The following MARCHF1 variants were observed in gnomAD, a reference collection of about 807,000 sequenced individuals.
MARCHF1 encodes the protein membrane associated ring-CH-type finger 1, also known as E3 ubiquitin-protein ligase MARCHF1.
MARCHF1 carries 40 observed loss-of-function variants against 54.2 expected under a neutral mutation model. The ratio of observed to expected loss-of-function variants is 0.74; its 90% CI spans 0.57 to 0.96. MARCHF1 has a LOEUF of 0.96. Among genes scored for constraint, MARCHF1 ranks in the 40% least tolerant of loss-of-function variants. The pLI, the probability that MARCHF1 is intolerant of heterozygous loss-of-function variation, is 0.00. For missense variants in MARCHF1, 586 were observed against 656.5 expected, an observed-to-expected ratio of 0.89 and a Z score of 1.17; for synonymous variants, 236 against 236.3, an observed-to-expected ratio of 1.00 and a Z score of 0.01.
Position 163,612,457 on chromosome 4 carries a change from A to G in MARCHF1, c.824T>C (p.Leu275Pro), listed in dbSNP as rs1377080343. ...KGRYHHRDPQ[L>P]LQSLRKNEIM... is the part of the protein sequence containing the mutation. The stretch of plus-strand genomic sequence containing the variant: ...TTCATTTTTCCTAAGACTTTGCAAG[A>G]GCTGAGGATCTCTGTGGTGATATCT... The change falls in exon 7 of 10, where the codon CTC becomes CCC. Residue 275 changes from leucine (L) to proline (P), a missense_variant. Physicochemically the swap from Leu to Pro is moderately conservative, Grantham distance 98. Transcript: ENST00000514618. 1.3e-6 allele frequency: 2 copies of G among 1,535,220 alleles called. No homozygotes were observed. Among genetic ancestry groups the G allele is most frequent in the Admixed American group, 2.0e-5 (1 of 50,942 alleles).
chr4:164,048,616 T>C (rs181320677), intron 2 of MARCHF1, among the ~76,000 whole-genome samples: 4 of 152,182 alleles, frequency 2.6e-5, no homozygotes, highest in African/African-American at 7.2e-5. Flanking sequence ...AAGAATGATG[T>C]CTTTGTTTCC....
At chr4:163,967,725 A>G (rs1752472123) in intron 3 of MARCHF1, among the ~76,000 whole-genome samples, 1 of 152,128 alleles carries the variant, frequency 6.6e-6, no homozygotes, top group African/African-American at 2.4e-5. Context: ...GAGAGGGGGA[A>G]TTTGTTATAA....
chr4:164,090,041 A>T (rs1014855633), intron 2 of MARCHF1, among the ~76,000 whole-genome samples: 52 of 151,902 alleles, frequency 3.4e-4, no homozygotes, highest in African/African-American at 1.2e-3. Flanking sequence ...TATTGATAGG[A>T]CATATTCTAA....
At chr4:164,318,933 A>G (rs541837270) in intron 1 of MARCHF1, among the ~76,000 whole-genome samples, 2 of 152,200 alleles carry the variant, frequency 1.3e-5, no homozygotes, top group Non-Finnish European at 2.9e-5. Flanking sequence ...GAAATTTTCA[A>G]TTCATTCTGT....
chr4:163,734,710 G>C (rs112222123), intron 4 of MARCHF1, among the ~76,000 whole-genome samples: 153 of 152,172 alleles, frequency 1.0e-3, no homozygotes, highest in African/African-American at 3.3e-3. Context: ...ATTGTATAGG[G>C]CATGGAGGAA....
intron 5 of MARCHF1, among the ~76,000 whole-genome samples, chr4:163,698,926 G>C (rs146610162): frequency 1.4e-3 from 220 of 152,264 alleles, no homozygotes; most frequent in Non-Finnish European, 2.6e-3. Flanking sequence ...ATACTTGAAA[G>C]GCATTGTTTT....
chr4:163,774,812 T>A (rs1298776673), intron 4 of MARCHF1, among the ~76,000 whole-genome samples: 1 of 152,122 alleles, frequency 6.6e-6, no homozygotes, highest in African/African-American at 2.4e-5. Context: ...GGCATTTTGA[T>A]AACTCTTTAT....
chr4:163,803,991 G>T (rs780981854), intron 4 of MARCHF1, among the ~76,000 whole-genome samples: 7 of 151,922 alleles, frequency 4.6e-5, no homozygotes, highest in Non-Finnish European at 1.0e-4. Flanking sequence ...TTTATTTTTC[G>T]CAGTATACCC....
chr4:163,614,542 G>C (rs1404264233), intron 5 of MARCHF1, among the ~76,000 whole-genome samples: 1 of 151,946 alleles, frequency 6.6e-6, no homozygotes, highest in Non-Finnish European at 1.5e-5. Flanking sequence ...AAATTTCGAA[G>C]TCATTCTAAA....
intron 4 of MARCHF1, among the ~76,000 whole-genome samples, chr4:163,769,937 T>C (rs978877606): frequency 2.6e-5 from 4 of 152,142 alleles, no homozygotes; most frequent in Non-Finnish European, 5.9e-5. Flanking sequence ...ATAGCAAGAC[T>C]AACCCCCCTT....
chr4:163,787,444 T>C (rs763934002), intron 4 of MARCHF1, among the ~76,000 whole-genome samples: 1 of 151,538 alleles, frequency 6.6e-6, no homozygotes, highest in Non-Finnish European at 1.5e-5. Flanking sequence ...AGAGAAGACA[T>C]ACAAATAGCC....
intron 1 of MARCHF1, among the ~76,000 whole-genome samples, chr4:164,201,155 A>G (rs1731440603): frequency 6.6e-6 from 1 of 152,262 alleles, no homozygotes; most frequent in Non-Finnish European, 1.5e-5. Context: ...ATGAAAAGAC[A>G]TGTAAGACTT....
At chr4:164,267,973 A>T (rs1360868997) in intron 1 of MARCHF1, among the ~76,000 whole-genome samples, 1 of 151,854 alleles carries the variant, frequency 6.6e-6, no homozygotes, top group Non-Finnish European at 1.5e-5. Flanking sequence ...GGTTGATAGC[A>T]GTCCAAAATG....
chr4:163,747,494 T>G (rs1484021647), intron 4 of MARCHF1, among the ~76,000 whole-genome samples: 2 of 152,184 alleles, frequency 1.3e-5, no homozygotes, highest in East Asian at 3.8e-4. Flanking sequence ...ACAGTTGAAT[T>G]TGACATGCAA....
At chr4:163,762,960 C>T (rs1746869674) in intron 4 of MARCHF1, among the ~76,000 whole-genome samples, 2 of 151,950 alleles carry the variant, frequency 1.3e-5, no homozygotes, top group Non-Finnish European at 2.9e-5. Context: ...CAATATAAAC[C>T]ACAGAGGCAA....
At chr4:163,764,364 T>TCAGC (rs1746916175) in intron 4 of MARCHF1, among the ~76,000 whole-genome samples, 1 of 152,102 alleles carries the variant, frequency 6.6e-6, no homozygotes, top group African/African-American at 2.4e-5. Flanking sequence ...ATCCAGAAGC[T>TCAGC]TGTTGAAGTA....
intron 3 of MARCHF1, among the ~76,000 whole-genome samples, chr4:163,885,919 T>C (rs2111254713): frequency 6.7e-6 from 1 of 148,628 alleles, no homozygotes; most frequent in South Asian, 2.1e-4. Context: ...ATATATATTT[T>C]ATCTAGCTAT....
chr4:164,317,641 T>C (rs567495464), intron 1 of MARCHF1, among the ~76,000 whole-genome samples: 12 of 152,244 alleles, frequency 7.9e-5, no homozygotes, highest in East Asian at 5.8e-4. Flanking sequence ...GAAAACTACA[T>C]TGGCTGAACA....
chr4:163,905,915 GATC>G (rs1751056210), intron 3 of MARCHF1, among the ~76,000 whole-genome samples: 1 of 151,920 alleles, frequency 6.6e-6, no homozygotes, highest in Non-Finnish European at 1.5e-5. Flanking sequence ...TCATTTATTG[GATC>G]TTCTAAGTCA....
Sources: allele counts gnomAD v4.1 joint callset (sites outside exome capture counted in the v4.1 genomes callset), GRCh38; gene constraint gnomAD v4.1.1; transcripts MANE v1.5; gene names NCBI Gene and HGNC (gene_info 2026-07-23, HGNC 2026-07-21).